Variants in COL5A2 observed in about 807,000 individuals in gnomAD.
COL5A2 encodes the protein collagen alpha-2(V) chain.
A neutral mutation model predicts 208.2 loss-of-function variants in COL5A2; 23 were observed. That is an observed-to-expected ratio of 0.11 (90% confidence interval 0.08 to 0.16). COL5A2 has a LOEUF of 0.16. COL5A2 is among the 10% of genes least tolerant of loss of function. The pLI is 1.00. For synonymous variants in COL5A2, 625 were observed against 628.5 expected, an observed-to-expected ratio of 0.99 and a Z score of 0.08; for missense variants, 1,590 against 1,956.4, an observed-to-expected ratio of 0.81 and a Z score of 3.53.
At position 189,032,114 on chromosome 2, in the gene COL5A2, G is replaced by A. The variant is rs965647319; in HGVS notation, c.*1956C>T. On this transcript the variant is annotated 3_prime_UTR_variant, in exon 54 of 54. Coordinates refer to ENST00000374866, the MANE Select transcript of COL5A2 (RefSeq NM_000393.5). Reference sequence around the variant, plus strand: ...TAAATACTCAAATTTAAGATATACAGGTCAAAATATAACCAGTTTAGGGGA... The same window carrying A: ...TAAATACTCAAATTTAAGATATACAAGTCAAAATATAACCAGTTTAGGGGA... 2 of 151,954 alleles carry A rather than the reference G, an allele frequency of 1.3e-5. No individual in the cohort carries two copies. The highest frequency in any genetic ancestry group is 3.8e-4 in the East Asian group (2 of 5,198). 9.4% of individuals were successfully genotyped at this position (151,954 alleles called of 1,614,324 possible).
the COL5A2 span, among the ~76,000 whole-genome samples, chr2:189,238,089 A>G: frequency 2.0e-5 from 3 of 150,576 alleles, no homozygotes; most frequent in African/African-American, 7.2e-5. Context: ...AATATGTATA[A>G]AACAAAATTT....
At chr2:189,098,905 C>G in intron 4 of COL5A2, 146 bp from the exon 5 acceptor site, 2 of 648,004 alleles carry the variant, frequency 3.1e-6, no homozygotes, top group Non-Finnish European at 5.7e-6. Flanking sequence ...TTCCTCCTCT[C>G]CTTAAGATTT....
At chr2:189,154,866 C>T (rs1481559125) in intron 1 of COL5A2, among the ~76,000 whole-genome samples, 1 of 152,034 alleles carries the variant, frequency 6.6e-6, no homozygotes, top group East Asian at 1.9e-4. Flanking sequence ...TGGCATAAAA[C>T]TCGAAATAAA....
chr2:189,037,179 A>G (rs1198150383), intron 51 of COL5A2, among the ~76,000 whole-genome samples: 2 of 152,222 alleles, frequency 1.3e-5, no homozygotes, highest in African/African-American at 2.4e-5. Flanking sequence ...AATAATGTAA[A>G]TAATGTAATA....
chr2:189,311,411 C>T, the COL5A2 span: 17 of 1,103,564 alleles, frequency 1.5e-5, no homozygotes, highest in South Asian at 6.3e-5. Context: ...CAGCAGGCGG[C>T]GGTAGGTGGT....
intron 1 of COL5A2, among the ~76,000 whole-genome samples, chr2:189,149,246 C>G (rs1688099257): frequency 6.6e-6 from 1 of 152,034 alleles, no homozygotes; most frequent in Non-Finnish European, 1.5e-5. Flanking sequence ...GAAGATTTTC[C>G]CATGATAACA....
the COL5A2 span, among the ~76,000 whole-genome samples, chr2:189,261,962 C>T: frequency 6.6e-6 from 1 of 152,104 alleles, no homozygotes. Flanking sequence ...AGAGCATACA[C>T]ATCATAGTTA....
chr2:189,348,015 C>T, the COL5A2 span, among the ~76,000 whole-genome samples: 7 of 152,070 alleles, frequency 4.6e-5, no homozygotes, highest in Admixed American at 1.3e-4. Context: ...TAGATTCCAA[C>T]CCAAAATTTA....
chr2:189,386,780 T>C, the COL5A2 span, among the ~76,000 whole-genome samples: 1 of 152,100 alleles, frequency 6.6e-6, no homozygotes, highest in East Asian at 1.9e-4. Context: ...TGAGATACCA[T>C]TTCACGCCAG....
At chr2:189,087,648 T>C (rs954777499) in intron 8 of COL5A2, among the ~76,000 whole-genome samples, 1 of 144,650 alleles carries the variant, frequency 6.9e-6, no homozygotes, top group Admixed American at 7.0e-5. Flanking sequence ...TTTTTTTTTT[T>C]AGTAGGGACA....
the COL5A2 span, among the ~76,000 whole-genome samples, chr2:189,306,693 A>T: frequency 6.6e-6 from 1 of 152,200 alleles, no homozygotes; most frequent in African/African-American, 2.4e-5. Flanking sequence ...ATTCTTTCTA[A>T]AATAAGAATG....
rs370305321 is a variant in COL5A2 at position 189,080,889 on chromosome 2, A to G, written c.906+101T>C. On this transcript the variant is annotated intron_variant, in intron 13 of 53. Coordinates refer to ENST00000374866, the MANE Select transcript of COL5A2 (RefSeq NM_000393.5). ...ATACTGCAACCATAGACAGTTAAGG[A>G]CAATTGACAAATTGACTTGTAAAGA... 1.0e-4 allele frequency: 97 copies of G among 967,310 alleles called. No individual in the cohort carries two copies. In the African/African-American group the frequency reaches 1.5e-3, roughly 15 times the overall value. The allele number at this position is 967,310 out of a possible 1,614,324, so 59.9% of individuals were successfully genotyped here.
At chr2:189,225,453 A>G (rs1417415615), upstream of COL5A2, among the ~76,000 whole-genome samples, 2 of 152,132 alleles carry the variant, frequency 1.3e-5, no homozygotes, top group Admixed American at 1.3e-4. Context: ...AACCTAAAAA[A>G]CTCTTACCAC....
chr2:189,066,887 T>C lies in COL5A2; in HGVS notation c.1402-105A>G, dbSNP rs892473137. Reference sequence around the variant, plus strand: ...GCTTTAAAAATTCTCTCCAGCTGAGTCGGTTTTGCATCAGTAGTATAATAT... The same window carrying C: ...GCTTTAAAAATTCTCTCCAGCTGAGCCGGTTTTGCATCAGTAGTATAATAT... On this transcript the variant is annotated intron_variant, in intron 21 of 53. Transcript: ENST00000374866. 4.5e-6 allele frequency: 4 copies of C among 883,692 alleles called. No homozygotes were observed. The African/African-American group carries it at 6.6e-5, about 15-fold the overall frequency. 54.7% of individuals were successfully genotyped at this position (883,692 alleles called of 1,614,324 possible).
chr2:189,222,789 T>G (rs556177890), intron 1 of COL5A2, among the ~76,000 whole-genome samples: 3 of 152,262 alleles, frequency 2.0e-5, no homozygotes, highest in Admixed American at 1.3e-4. Context: ...TAATGCCCAG[T>G]AGAAAGCCTC....
intron 51 of COL5A2, among the ~76,000 whole-genome samples, chr2:189,038,510 T>C (rs1685488295): frequency 6.6e-6 from 1 of 152,178 alleles, no homozygotes; most frequent in South Asian, 2.1e-4. Flanking sequence ...ATGGGTCTTT[T>C]TGGTAGAACG....
At chr2:189,407,708 T>C in the COL5A2 span, among the ~76,000 whole-genome samples, 207 of 152,230 alleles carry the variant, frequency 1.4e-3, no homozygotes, top group African/African-American at 4.1e-3. Flanking sequence ...TTAATGGAAA[T>C]AGAATTTCTT....
At chr2:189,227,658 A>G (rs1310104199), upstream of COL5A2, among the ~76,000 whole-genome samples, 1 of 152,126 alleles carries the variant, frequency 6.6e-6, no homozygotes, top group Admixed American at 6.6e-5. Context: ...ATTTACCAGG[A>G]AGATATAATT....
At chr2:189,328,652 C>T in the COL5A2 span, among the ~76,000 whole-genome samples, 1 of 152,216 alleles carries the variant, frequency 6.6e-6, no homozygotes, top group Non-Finnish European at 1.5e-5. Context: ...ACATCTTAGA[C>T]ATGTGGAATA....
Sources: allele counts gnomAD v4.1 joint callset (sites outside exome capture counted in the v4.1 genomes callset), GRCh38; gene constraint gnomAD v4.1.1; transcripts MANE v1.5; gene names NCBI Gene and HGNC (gene_info 2026-07-23, HGNC 2026-07-21).